RBX1: variants seen among roughly 807,000 people sequenced by gnomAD.
RBX1 encodes the protein E3 ubiquitin-protein ligase RBX1.
For missense variants in RBX1, 46 were observed against 141.4 expected, an observed-to-expected ratio of 0.33 and a Z score of 3.42; for synonymous variants, 48 against 47.9, an observed-to-expected ratio of 1.00 and a Z score of -0.01.
At chr22:40,964,926 A>G (rs2058349980) in intron 3 of RBX1, among the ~76,000 whole-genome samples, 1 of 152,208 alleles carries the variant, frequency 6.6e-6, no homozygotes, top group African/African-American at 2.4e-5. Flanking sequence ...TGGACCACAT[A>G]AAATTGTAAT....
At chr22:40,970,848 G>T (rs2058367168) in intron 4 of RBX1, among the ~76,000 whole-genome samples, 1 of 152,118 alleles carries the variant, frequency 6.6e-6, no homozygotes, top group African/African-American at 2.4e-5. Flanking sequence ...AAAACATTTG[G>T]AAGTCTTATC....
intron 4 of RBX1, among the ~76,000 whole-genome samples, chr22:40,968,610 T>C (rs969520307): frequency 6.6e-6 from 1 of 152,200 alleles, no homozygotes; most frequent in Non-Finnish European, 1.5e-5. Context: ...TTTATTGTTA[T>C]ATAAATAAAA....
chr22:40,961,081 C>CTTTTT (rs61092253), intron 2 of RBX1, among the ~76,000 whole-genome samples: 17 of 107,664 alleles, frequency 1.6e-4, no homozygotes, highest in African/African-American at 5.5e-4. Flanking sequence ...CGTGCCTGGC[C>CTTTTT]TTTTTTTTTT....
chr22:40,953,718 A>T, intron 2 of RBX1, 85 bp downstream of exon 2: 2 of 914,142 alleles, frequency 2.2e-6, no homozygotes, highest in Non-Finnish European at 3.6e-6. Context: ...TCTTCTTCAC[A>T]CGAGGAGATA....
chr22:40,953,505 G>C (rs772142319), intron 1 of RBX1, 50 bp from the exon 2 acceptor site: 309 of 1,151,404 alleles, frequency 2.7e-4, no homozygotes, highest in Non-Finnish European at 3.6e-4. Flanking sequence ...TAAAGAGTAT[G>C]TGTGTGTGTT....
chr22:40,972,267 G>T (rs1243876702), intron 4 of RBX1, among the ~76,000 whole-genome samples: 1 of 152,180 alleles, frequency 6.6e-6, no homozygotes, highest in Non-Finnish European at 1.5e-5. Flanking sequence ...TCCCTAAGAG[G>T]GGGCAGTAGG....
intron 4 of RBX1, among the ~76,000 whole-genome samples, chr22:40,969,764 C>T (rs2058363655): frequency 6.6e-6 from 1 of 151,798 alleles, no homozygotes; most frequent in African/African-American, 2.4e-5. Context: ...TGGTGCATGC[C>T]TGGAATCCCA....
At position 40,973,153 on chromosome 22, in the gene RBX1, G is replaced by C. The variant is rs996812782; in HGVS notation, c.*665G>C. The stretch of plus-strand genomic sequence containing the variant: ...CAGTCCCCAACCTTTTTGCCACCAG[G>C]GATTGGTTTCATGGAAGACGATTTT... On this transcript the variant is annotated 3_prime_UTR_variant, in exon 5 of 5. Coordinates refer to ENST00000216225, the MANE Select transcript of RBX1 (RefSeq NM_014248.4). 1.3e-5 allele frequency: 2 copies of C among 152,180 alleles called. No homozygotes were observed. Among genetic ancestry groups the C allele is most frequent in the African/African-American group, 2.4e-5 (1 of 41,410 alleles). The allele number at this position is 152,180 out of a possible 1,614,324, so 9.4% of individuals were successfully genotyped here.
chr22:40,954,242 C>G (rs2058319035), intron 2 of RBX1, among the ~76,000 whole-genome samples: 1 of 150,240 alleles, frequency 6.7e-6, no homozygotes, highest in Admixed American at 6.6e-5. Flanking sequence ...GCACTACAAC[C>G]TGGGCGACAC....
At chr22:40,956,293 G>A (rs2058325143) in intron 2 of RBX1, among the ~76,000 whole-genome samples, 1 of 150,998 alleles carries the variant, frequency 6.6e-6, no homozygotes, top group African/African-American at 2.4e-5. Context: ...ACTTATGAAA[G>A]TATTTTCTAA....
chr22:40,969,875 T>A (rs1350513272), intron 4 of RBX1, among the ~76,000 whole-genome samples: 2 of 144,436 alleles, frequency 1.4e-5, no homozygotes, highest in Admixed American at 7.0e-5. Flanking sequence ...AATGACAGAG[T>A]GAGACCCTAT....
At position 40,972,594 on chromosome 22, in the gene RBX1, GT is replaced by G; in HGVS notation, c.*112del. 1.1e-6 allele frequency: 1 copy of G among 926,022 alleles called. No individual in the cohort carries two copies. Among genetic ancestry groups the G allele is most frequent in the Non-Finnish European group, 1.7e-6 (1 of 580,224 alleles). 57.4% of individuals were successfully genotyped at this position (926,022 alleles called of 1,614,324 possible). A position where few individuals can be genotyped will look rare whatever the true frequency, so the allele number is the denominator to read the frequency against. On this transcript the variant is annotated 3_prime_UTR_variant, in exon 5 of 5. Coordinates refer to ENST00000216225, the MANE Select transcript of RBX1 (RefSeq NM_014248.4). ...ATGGAACTGTGTTTTTTTCTGCTTT[GT>G]TTTTTCAGTTTGCTGTTTCTGTAGC...
intron 1 of RBX1, 118 bp from the exon 2 acceptor site, chr22:40,953,437 T>G (rs2058316748): frequency 1.5e-6 from 1 of 675,780 alleles, no homozygotes; most frequent in South Asian, 1.6e-5. Context: ...CCAAAAACTT[T>G]TGTTTGGTGG....
chr22:40,965,842 A>G (rs1247177019), intron 3 of RBX1, among the ~76,000 whole-genome samples: 1 of 152,196 alleles, frequency 6.6e-6, no homozygotes, highest in Non-Finnish European at 1.5e-5. Context: ...TTAATCGTTC[A>G]TGGGGATAAA....
At chr22:40,955,020 C>T (rs1446966557) in intron 2 of RBX1, among the ~76,000 whole-genome samples, 1 of 152,032 alleles carries the variant, frequency 6.6e-6, no homozygotes, top group East Asian at 1.9e-4. Flanking sequence ...CTCCTGACCT[C>T]GGGTGATCCG....
intron 4 of RBX1, among the ~76,000 whole-genome samples, chr22:40,971,169 C>G (rs759232878): frequency 1.3e-5 from 2 of 152,066 alleles, no homozygotes; most frequent in African/African-American, 4.8e-5. Context: ...CTAAGAATTG[C>G]GGGGGTATGA....
rs779952010 is a variant in RBX1, at chr22:40,951,484, C to T, written c.78+8C>T. The T allele has an allele frequency of 4.7e-5, 75 of 1,611,964 alleles. No homozygotes were observed. Among genetic ancestry groups the T allele is most frequent in the Admixed American group, 1.5e-4 (9 of 59,750 alleles). On this transcript the variant is annotated splice_region_variant and intron_variant, in intron 1 of 4. Coordinates refer to ENST00000216225, the MANE Select transcript of RBX1 (RefSeq NM_014248.4). ...CGCTTTGAAGTGAAAAAGGTTGGGT[C>T]TCGCCAGCGCCTTCCTCAGGGAAGC...
chr22:40,973,078 G>A lies in RBX1; in HGVS notation c.*590G>A, dbSNP rs1186296369. The A allele has an allele frequency of 6.6e-6, 1 of 152,270 alleles. No individual in the cohort carries two copies. The highest frequency in any genetic ancestry group is 6.6e-5 in the Admixed American group (1 of 15,256). The allele number at this position is 152,270 out of a possible 1,614,324, so 9.4% of individuals were successfully genotyped here. A position where few individuals can be genotyped will look rare whatever the true frequency, so the allele number is the denominator to read the frequency against. On this transcript the variant is annotated 3_prime_UTR_variant, in exon 5 of 5. Coordinates refer to ENST00000216225, the MANE Select transcript of RBX1 (RefSeq NM_014248.4). ...TCATGTGGGCACAGAGAGAAGCTTT[G>A]TAAAATGTAAAACCGCTATACAAAT...
chr22:40,958,516 A>G (rs899021686), intron 2 of RBX1, among the ~76,000 whole-genome samples: 5 of 152,326 alleles, frequency 3.3e-5, no homozygotes, highest in African/African-American at 1.2e-4. Context: ...GCTGTGCCCT[A>G]GTCGGATTCT....
Sources: gnomAD v4.1 joint callset for allele counts (sites outside exome capture counted in the v4.1 genomes callset) on GRCh38, gnomAD v4.1.1 for gene constraint, MANE v1.5 for transcripts, NCBI Gene and HGNC (gene_info 2026-07-23, HGNC 2026-07-21) for gene names.